The following LSS variants were observed in gnomAD, a reference collection of about 807,000 sequenced individuals.
LSS encodes the protein 2,3-epoxysqualene-lanosterol cyclase.
LSS carries 90 observed loss-of-function variants against 110.3 expected under a neutral mutation model. That is an observed-to-expected ratio of 0.82 (90% CI 0.69 to 0.97). The LOEUF (loss-of-function observed/expected upper bound fraction) is 0.97, where lower values mean the gene tolerates loss of function less well. LSS is among the 50% of genes least tolerant of loss of function. LSS has a pLI of 0.00. For missense variants in LSS, 927 were observed against 990.0 expected (o/e 0.94, Z 0.85); for synonymous variants, 433 against 400.0 (o/e 1.08, Z -0.98).
In LSS at chr21:46,221,904, C is replaced by G. The variant is rs1022150653; in HGVS notation, c.500G>C (p.Gly167Ala). 1.9e-6 allele frequency: 3 copies of G among 1,614,132 alleles called. No homozygotes were observed. Among genetic ancestry groups the G allele is most frequent in the Middle Eastern group, 1.6e-4 (1 of 6,062 alleles). Residue 167 changes from glycine to alanine, a missense_variant, in exon 5 of 22, where the codon GGG (glycine) becomes GCG (alanine). By Grantham distance (60) the Gly-to-Ala change is moderately conservative. Transcript: ENST00000397728. ...NYVSLRILGVGPDDPDLVRAR... is the reference protein window; with the variant it reads ...NYVSLRILGVAPDDPDLVRAR... ...TCGTACCAGGTCAGGATCGTCAGGC[C>G]CAACACCCAGAATTCTGAGAGACAC... is the stretch of plus-strand genomic sequence containing the variant.
Position 46,189,484 on chromosome 21 carries a change from C to A in LSS, c.*1620G>T. ...TGAACAGGCAGCTGACCAAGCCCTG[C>A]AGGGCTCTGAGCAGGCAGGCGAGTC... is the stretch of plus-strand genomic sequence containing the variant. On this transcript the variant is annotated 3_prime_UTR_variant, in exon 22 of 22. Coordinates refer to ENST00000397728, the MANE Select transcript of LSS (RefSeq NM_002340.6). 1 of 355,468 alleles carries A rather than the reference C, an allele frequency of 2.8e-6. No individual in the cohort carries two copies. The highest frequency in any genetic ancestry group is 2.1e-5 in the South Asian group (1 of 48,314). The allele number at this position is 355,468 out of a possible 1,614,324, so 22.0% of individuals were successfully genotyped here. A position where few individuals can be genotyped will look rare whatever the true frequency, so the allele number is the denominator to read the frequency against.
At chr21:46,224,053 A>G (rs2080308819) in intron 3 of LSS, among the ~76,000 whole-genome samples, 1 of 152,220 alleles carries the variant, frequency 6.6e-6, no homozygotes, top group African/African-American at 2.4e-5. Flanking sequence ...GCTGTGCTTC[A>G]GTGGTCACGC....
intron 11 of LSS, 97 bp from the exon 12 acceptor site, chr21:46,210,841 G>A: frequency 8.5e-7 from 1 of 1,180,408 alleles, no homozygotes; most frequent in Non-Finnish European, 1.2e-6. Flanking sequence ...GCCAGGTGTG[G>A]GGGCTCCCAC....
At chr21:46,222,169 C>A (rs2080287300) in intron 4 of LSS, 194 bp from the exon 5 acceptor site, 8 of 607,856 alleles carry the variant, frequency 1.3e-5, no homozygotes, top group Non-Finnish European at 2.3e-5. Flanking sequence ...GACAACTGAG[C>A]CCCCCACTCC....
chr21:46,225,786 G>T (rs1056438815), intron 3 of LSS, among the ~76,000 whole-genome samples: 2 of 152,166 alleles, frequency 1.3e-5, no homozygotes, highest in Non-Finnish European at 2.9e-5. Context: ...CGTGACCCAT[G>T]TGACCTTACC....
Position 46,209,966 on chromosome 21 carries a change from T to G in LSS, c.1195-341A>C, listed in dbSNP as rs1001059734. ...CCCTCAGGGCTCTCCAGAAACACCT[T>G]CAGAATCCCACCTACCTCATTCCCA... On this transcript the variant is annotated intron_variant, in intron 12 of 21. Coordinates refer to ENST00000397728, the MANE Select transcript of LSS (RefSeq NM_002340.6). This position sits in a 1 kb window ranked among gnomAD's most constrained non-coding sequence, Gnocchi z 4.4. Among the ~76,000 whole-genome samples, 2 of 151,772 alleles carry G rather than the reference T, an allele frequency of 1.3e-5. No homozygotes were observed. Among genetic ancestry groups the G allele is most frequent in the Non-Finnish European group, 2.9e-5 (2 of 67,986 alleles).
intron 2 of LSS, 40 bp downstream of exon 2, chr21:46,228,394 A>T (rs1299181083): frequency 1.3e-6 from 2 of 1,595,002 alleles, no homozygotes; most frequent in East Asian, 4.5e-5. Flanking sequence ...CTCACCCCTC[A>T]GGGTCCCGAG....
chr21:46,227,421 G>A, intron 3 of LSS, 131 bp downstream of exon 3: 2 of 1,176,372 alleles, frequency 1.7e-6, no homozygotes, highest in Non-Finnish European at 2.4e-6. Flanking sequence ...ATAGGGCAGA[G>A]TTTGCCAGCC....
intron 9 of LSS, among the ~76,000 whole-genome samples, chr21:46,214,656 G>A (rs56680704): frequency 2.6e-4 from 39 of 152,256 alleles, no homozygotes; most frequent in Admixed American, 1.6e-3. Context: ...GCACAGCCCG[G>A]GAATTGCACC....
chr21:46,197,827 T>C (rs2079928630), intron 17 of LSS, among the ~76,000 whole-genome samples: 1 of 151,066 alleles, frequency 6.6e-6, no homozygotes, highest in African/African-American at 2.4e-5. Context: ...AGGCAGAGCT[T>C]GCGGTGAGCT....
Position 46,207,433 on chromosome 21 carries a change from C to T in LSS, c.1462G>A (p.Ala488Thr), listed in dbSNP as rs1252100006. 1.9e-6 allele frequency: 3 copies of T among 1,612,078 alleles called. No individual in the cohort carries two copies. The change falls in exon 15 of 22, where the codon GCT (alanine) becomes ACT (threonine). Residue 488 changes from alanine (A) to threonine (T), a missense_variant. Ala to Thr is a moderately conservative substitution (Grantham distance 58). Transcript: ENST00000397728. ...TGCTGGGACCACAGCCTTACCACAGCCACAGCATCGCAGAGCCGTTCTCTG... is the reference window on the plus strand; with the variant it reads ...TGCTGGGACCACAGCCTTACCACAGTCACAGCATCGCAGAGCCGTTCTCTG... ...IPRERLCDAV[A>T]VLLNMRNPDG...
intron 20 of LSS, chr21:46,192,846 T>C (rs1329163929): frequency 2.2e-6 from 1 of 450,404 alleles, no homozygotes; most frequent in South Asian, 1.6e-5. Flanking sequence ...GTGGCACAGA[T>C]GGGATACTGC....
In LSS at chr21:46,209,620, G is replaced by A. The variant is rs548198695; in HGVS notation, c.1200C>T (p.Gly400=). Residue 400 remains glycine (G), a synonymous_variant, in exon 13 of 22, where the codon GGC becomes GGT. Transcript: ENST00000397728. The surrounding 1 kb of genome is among the most constrained non-coding windows in gnomAD (Gnocchi z 4.4). ...ACGAAAACTCGGGCCTGTGGTGCCC[G>A]CCCGCCTGGAAGAGACAGCAGGACA... ...AFAIQALLEA[G]GHHRPEFSSC... 35 of 1,591,298 alleles carry A rather than the reference G, an allele frequency of 2.2e-5. No homozygotes were observed. Among genetic ancestry groups the A allele is most frequent in the African/African-American group, 2.0e-4 (15 of 74,620 alleles).
Position 46,190,997 on chromosome 21 carries a change from T to C in LSS, c.*107A>G. On this transcript the variant is annotated 3_prime_UTR_variant, in exon 22 of 22. Coordinates refer to ENST00000397728, the MANE Select transcript of LSS (RefSeq NM_002340.6). The surrounding 1 kb of genome is among the most constrained non-coding windows in gnomAD (Gnocchi z 4.6). ...AGATTCACATCTATGAGATAGAGGT[T>C]GAGGGGTTGGAGCCCAAGACAGGGT... 2 of 1,345,468 alleles carry C rather than the reference T, an allele frequency of 1.5e-6. No homozygotes were observed. Among genetic ancestry groups the C allele is most frequent in the South Asian group, 1.3e-5 (1 of 75,462 alleles). 83.3% of individuals were successfully genotyped at this position (1,345,468 alleles called of 1,614,324 possible).
At chr21:46,218,093 G>GACCCCCC (rs1218626441) in intron 6 of LSS, among the ~76,000 whole-genome samples, 1 of 112,498 alleles carries the variant, frequency 8.9e-6, no homozygotes, top group Non-Finnish European at 1.8e-5. Context: ...CCCCTAACTT[G>GACCCCCC]ACCCCCCACC....
rs116388034 is a variant in LSS at position 46,197,577 on chromosome 21, C to T, written c.1671-1310G>A. ...TCAGGCTCACTCATGAACACAGATG[C>T]AAAACTCCAAATTAAAACTGAGAAA... On this transcript the variant is annotated intron_variant, in intron 17 of 21. Transcript: ENST00000397728. Among the ~76,000 whole-genome samples the T allele has an allele frequency of 8.4e-3, 1,276 of 152,234 alleles. 15 individuals carry two copies. Among genetic ancestry groups the T allele is most frequent in the African/African-American group, 0.029 (1,220 of 41,560 alleles).
At chr21:46,206,855 C>T in intron 15 of LSS, 87 bp from the exon 16 acceptor site, 1 of 963,124 alleles carries the variant, frequency 1.0e-6, no homozygotes, top group South Asian at 1.3e-5. Context: ...CTAGAGGCAA[C>T]ACTAGGGCTG....
intron 5 of LSS, among the ~76,000 whole-genome samples, chr21:46,221,134 G>A (rs1317777218): frequency 2.7e-5 from 4 of 147,812 alleles, no homozygotes; most frequent in African/African-American, 5.0e-5. Flanking sequence ...CCGGGGCTTG[G>A]AGAGGTGGAC....
rs562475285 is a variant in LSS, at chr21:46,202,407, A to T, written c.1670+3429T>A. Among the ~76,000 whole-genome samples the T allele has an allele frequency of 5.5e-3, 821 of 149,656 alleles. 6 individuals are homozygous for T. Among genetic ancestry groups the T allele is most frequent in the African/African-American group, 0.011 (453 of 41,194 alleles). The stretch of plus-strand genomic sequence containing the variant: ...AGACTCCGTCTCAAAAAAAAAAAAA[A>T]TAAATAAAATAAAATCTTAATATAA... On this transcript the variant is annotated intron_variant, in intron 17 of 21. Coordinates refer to ENST00000397728, the MANE Select transcript of LSS (RefSeq NM_002340.6).
Sources: gnomAD v4.1 joint callset for allele counts (sites outside exome capture counted in the v4.1 genomes callset) on GRCh38, gnomAD v4.1.1 for gene constraint, Gnocchi (gnomAD v3.1) non-coding constraint, MANE v1.5 for transcripts, NCBI Gene and HGNC (gene_info 2026-07-23, HGNC 2026-07-21) for gene names.